CDC73: variants seen among roughly 807,000 people sequenced by gnomAD.
The protein encoded by CDC73 is parafibromin.
CDC73 carries 21 observed loss-of-function variants against 83.7 expected under a neutral mutation model. The observed-to-expected ratio is 0.25, with a 90% CI of 0.18 to 0.36. CDC73 has a LOEUF of 0.36. Ranked by LOEUF, CDC73 falls within the 10% of genes least tolerant of loss-of-function variation. The probability of loss-of-function intolerance (pLI) is 1.00; values close to 1 mark genes in which losing one functional copy is unlikely to be tolerated. For synonymous variants in CDC73, 224 were observed against 212.9 expected, an observed-to-expected ratio of 1.05 and a Z score of -0.45; for missense variants, 342 against 653.3, an observed-to-expected ratio of 0.52 and a Z score of 5.19.
intron 3 of CDC73, among the ~76,000 whole-genome samples, chr1:193,132,273 C>A (rs567663805): frequency 6.6e-6 from 1 of 152,252 alleles, no homozygotes; most frequent in East Asian, 1.9e-4. Context: ...CCTATGCTGT[C>A]CTCATTCAAT....
intron 10 of CDC73, among the ~76,000 whole-genome samples, chr1:193,201,034 T>G (rs1395397897): frequency 1.3e-5 from 2 of 152,164 alleles, no homozygotes; most frequent in Non-Finnish European, 2.9e-5. Flanking sequence ...TATTCTACTG[T>G]TTTGTCATTA....
At chr1:193,126,778 T>C (rs1352045196) in intron 2 of CDC73, among the ~76,000 whole-genome samples, 1 of 152,234 alleles carries the variant, frequency 6.6e-6, no homozygotes, top group Non-Finnish European at 1.5e-5. Flanking sequence ...ACTTTTCTTA[T>C]AGTTCTTAAA....
In CDC73 at chr1:193,197,508, T is replaced by C. The variant is rs184200061; in HGVS notation, c.973-6287T>C. 7.9e-5 allele frequency among the ~76,000 whole-genome samples: 12 copies of C among 152,320 alleles called. No individual in the cohort carries two copies. The East Asian group carries it at 2.1e-3, about 27-fold the overall frequency. ...TGTAATTGTATTAATAATTTTTTCA[T>C]TTCATGTATTTATTATCGAGCTCCT... On this transcript the variant is annotated intron_variant, in intron 10 of 16. Coordinates refer to ENST00000367435, the MANE Select transcript of CDC73 (RefSeq NM_024529.5).
chr1:193,213,393 T>C (rs1256238250), intron 13 of CDC73, among the ~76,000 whole-genome samples: 1 of 152,094 alleles, frequency 6.6e-6, no homozygotes, highest in Non-Finnish European at 1.5e-5. Context: ...GTCATACTCA[T>C]TGTTAAAATG....
intron 10 of CDC73, among the ~76,000 whole-genome samples, chr1:193,193,780 A>AGT (rs71111459): frequency 0.083 from 11,274 of 135,696 alleles, 614 homozygotes; most frequent in East Asian, 0.17. Flanking sequence ...TCTTACTTGT[A>AGT]GTGTGTGTGT....
In CDC73 at chr1:193,150,341, C is replaced by G; in HGVS notation, c.866C>G (p.Ala289Gly). Residue 289 changes from alanine to glycine, a missense_variant, in exon 9 of 17, where the codon GCC becomes GGC. Around this residue, in one of 3 missense-constraint regions of CDC73, gnomAD observed 239 missense variants for 420.6 expected, o/e 0.57. Coordinates refer to ENST00000367435, the MANE Select transcript of CDC73 (RefSeq NM_024529.5). ...TLRTKQPIPA[A>G]YNRYDQERFK... ...CGCACCAAACAGCCTATCCCAGCTG[C>G]CTATAACAGATACGATCAGGAAAGA... The G allele has an allele frequency of 6.2e-7, 1 of 1,613,356 alleles. No individual in the cohort carries two copies. Among genetic ancestry groups the G allele is most frequent in the Non-Finnish European group, 8.5e-7 (1 of 1,179,338 alleles).
At chr1:193,158,120 A>G (rs1676239791) in intron 10 of CDC73, among the ~76,000 whole-genome samples, 1 of 139,826 alleles carries the variant, frequency 7.2e-6, no homozygotes, top group Admixed American at 7.1e-5. Context: ...AGTATTGTTA[A>G]TGATATAATT....
intron 7 of CDC73, among the ~76,000 whole-genome samples, chr1:193,145,521 T>G (rs1675983069): frequency 6.6e-6 from 1 of 152,258 alleles, no homozygotes; most frequent in African/African-American, 2.4e-5. Context: ...TTTCTTGTCA[T>G]TACTTTTATG....
chr1:193,146,731 T>C (rs1676006871), intron 7 of CDC73, among the ~76,000 whole-genome samples: 1 of 152,350 alleles, frequency 6.6e-6, no homozygotes, highest in Non-Finnish European at 1.5e-5. Flanking sequence ...GAAGGAAGAA[T>C]ATTTCATGAA....
At chr1:193,236,429 A>T in intron 15 of CDC73, 73 bp downstream of exon 15, 1 of 941,180 alleles carries the variant, frequency 1.1e-6, no homozygotes, top group South Asian at 1.3e-5. Flanking sequence ...ACAGTCATAT[A>T]GTTCTGCGCA....
chr1:193,215,278 T>TA (rs1214832463), intron 13 of CDC73, among the ~76,000 whole-genome samples: 1 of 152,222 alleles, frequency 6.6e-6, no homozygotes, highest in Non-Finnish European at 1.5e-5. Flanking sequence ...CAACTTGAAA[T>TA]GTATTGTTTT....
intron 10 of CDC73, among the ~76,000 whole-genome samples, chr1:193,169,692 T>G (rs1676488902): frequency 6.6e-6 from 1 of 152,250 alleles, no homozygotes; most frequent in African/African-American, 2.4e-5. Flanking sequence ...TTGGATTTTA[T>G]AAAGCAATAA....
At chr1:193,150,189 T>C in intron 8 of CDC73, 115 bp from the exon 9 acceptor site, 1 of 733,858 alleles carries the variant, frequency 1.4e-6, no homozygotes, top group Non-Finnish European at 2.4e-6. Context: ...GAGGATCACT[T>C]GGGCCCAGGA....
chr1:193,248,708 G>C (rs1309699229), intron 15 of CDC73, among the ~76,000 whole-genome samples: 1 of 152,058 alleles, frequency 6.6e-6, no homozygotes, highest in Non-Finnish European at 1.5e-5. Flanking sequence ...ACTTTGAGGG[G>C]TTCAAGACTT....
intron 10 of CDC73, among the ~76,000 whole-genome samples, chr1:193,189,594 C>T (rs1384309919): frequency 1.3e-5 from 2 of 152,202 alleles, no homozygotes; most frequent in Non-Finnish European, 2.9e-5. Flanking sequence ...TCCTACAACA[C>T]ATCCGTGATG....
chr1:193,192,884 C>A (rs561965532), intron 10 of CDC73, among the ~76,000 whole-genome samples: 26 of 152,224 alleles, frequency 1.7e-4, no homozygotes, highest in Non-Finnish European at 3.7e-4. Flanking sequence ...CTTAGGACCA[C>A]ATGTGTAAAC....
intron 10 of CDC73, among the ~76,000 whole-genome samples, chr1:193,201,439 G>A (rs1677090345): frequency 6.6e-6 from 1 of 152,142 alleles, no homozygotes; most frequent in Non-Finnish European, 1.5e-5. Flanking sequence ...TGAGTCAAGG[G>A]TCATCATCAT....
chr1:193,242,295 C>A (rs1006442805), intron 15 of CDC73, among the ~76,000 whole-genome samples: 1 of 152,148 alleles, frequency 6.6e-6, no homozygotes, highest in Admixed American at 6.5e-5. Flanking sequence ...GGTCTCTAGG[C>A]AGCTTTCTGT....
At chr1:193,198,199 TG>T (rs1398264643) in intron 10 of CDC73, among the ~76,000 whole-genome samples, 2 of 152,148 alleles carry the variant, frequency 1.3e-5, no homozygotes, top group African/African-American at 2.4e-5. Context: ...GCAGTCTGAT[TG>T]GGGGAAGCAG....
Sources: gnomAD v4.1 joint callset for allele counts (sites outside exome capture counted in the v4.1 genomes callset) on GRCh38, gnomAD v4.1.1 for gene constraint, gnomAD v4.1.1 regional missense constraint, MANE v1.5 for transcripts, NCBI Gene and HGNC (gene_info 2026-07-23, HGNC 2026-07-21) for gene names.